The following NF2 variants were observed in gnomAD, a reference collection of about 807,000 sequenced individuals.
The protein encoded by NF2 is merlin.
A neutral mutation model predicts 83.7 loss-of-function variants in NF2; 8 were observed. The ratio of observed to expected loss-of-function variants is 0.10; its 90% CI spans 0.06 to 0.17. NF2 has a LOEUF of 0.17. Among genes scored for constraint, NF2 ranks in the 10% least tolerant of loss-of-function variants. The pLI is 1.00. For missense variants in NF2, 533 were observed against 744.4 expected, an observed-to-expected ratio of 0.72 and a Z score of 3.31; for synonymous variants, 266 against 269.6, an observed-to-expected ratio of 0.99 and a Z score of 0.13.
chr22:29,682,465 G>A (rs1333187603), intron 15 of NF2, among the ~76,000 whole-genome samples: 1 of 152,150 alleles, frequency 6.6e-6, no homozygotes, highest in Non-Finnish European at 1.5e-5. Context: ...GTTTCTGCCT[G>A]CCTTCGTTGT....
chr22:29,678,154 T>C (rs1162642519), intron 13 of NF2, 42 bp from the exon 14 acceptor site: 14 of 1,612,354 alleles, frequency 8.7e-6, no homozygotes, highest in Non-Finnish European at 1.1e-5. Context: ...CCTTCTGTGC[T>C]TGTATGACCC....
chr22:29,654,630 C>A, intron 4 of NF2, 27 bp from the exon 5 acceptor site: 5 of 1,602,702 alleles, frequency 3.1e-6, no homozygotes, highest in Non-Finnish European at 4.3e-6. Flanking sequence ...GAATCTCAAT[C>A]GCCTGCTCTC....
intron 10 of NF2, among the ~76,000 whole-genome samples, chr22:29,670,328 C>G (rs1342016640): frequency 7.0e-6 from 1 of 143,084 alleles, no homozygotes; most frequent in Non-Finnish European, 1.6e-5. Flanking sequence ...TTCTTTCTTT[C>G]TTAGTTTCTT....
rs746704168 is a variant in NF2 at position 29,678,348 on chromosome 22, G to A, written c.1574+25G>A. 3.7e-6 allele frequency: 6 copies of A among 1,611,556 alleles called. No homozygotes were observed. In the South Asian group the frequency reaches 4.4e-5, roughly 12 times the overall value. ...AGTATGTAGCCCCCTGTGCCCTGCTGTGGGCAGCTGTGAACTAGACTGAGT... is the reference window on the plus strand; with the variant it reads ...AGTATGTAGCCCCCTGTGCCCTGCTATGGGCAGCTGTGAACTAGACTGAGT... On this transcript the variant is annotated intron_variant, in intron 14 of 15. Transcript: ENST00000338641.
Position 29,636,105 on chromosome 22 carries a change from C to A in NF2, c.115-646C>A, listed in dbSNP as rs1007011801. ...ACACTACAGTATATTGATATCTATT[C>A]GTCACCTGGGTTTAGATACCAGGAG... On this transcript the variant is annotated intron_variant, in intron 1 of 15. Transcript: ENST00000338641. The surrounding 1 kb of genome is among the most constrained non-coding windows in gnomAD (Gnocchi z 4.4). Among the ~76,000 whole-genome samples, 1 of 152,222 alleles carries A rather than the reference C, an allele frequency of 6.6e-6. No homozygotes were observed. The highest frequency in any genetic ancestry group is 1.9e-4 in the East Asian group (1 of 5,188).
At position 29,646,905 on chromosome 22, in the gene NF2, G is replaced by A. The variant is rs192358580; in HGVS notation, c.447+4620G>A. On this transcript the variant is annotated intron_variant, in intron 4 of 15. Transcript: ENST00000338641. Reference sequence around the variant, plus strand: ...CTAAAAATACAAAAATTAGCCAGGCGTGGTGGTGTAGTCCCAGCTACTTGG... The same window carrying A: ...CTAAAAATACAAAAATTAGCCAGGCATGGTGGTGTAGTCCCAGCTACTTGG... Among the ~76,000 whole-genome samples, 10 of 152,118 alleles carry A rather than the reference G, an allele frequency of 6.6e-5. No individual in the cohort carries two copies. In the East Asian group the frequency reaches 1.4e-3, roughly 21 times the overall value.
chr22:29,656,633 C>T (rs752083003), intron 6 of NF2, among the ~76,000 whole-genome samples: 2 of 151,670 alleles, frequency 1.3e-5, no homozygotes, highest in Non-Finnish European at 2.9e-5. Flanking sequence ...GGGATGGTCT[C>T]GATCTCCTGA....
At position 29,627,978 on chromosome 22, in the gene NF2, A is replaced by G. The variant is rs137895792; in HGVS notation, c.115-8773A>G. Among the ~76,000 whole-genome samples the G allele has an allele frequency of 2.5e-3, 376 of 152,344 alleles. 1 individual carries two copies. The highest frequency in any genetic ancestry group is 3.2e-3 in the Non-Finnish European group (217 of 68,030). ...ACATTTTTAATAACGAGTGTCATAA[A>G]TTCTTGCTTCATTGCAATCATTAAT... On this transcript the variant is annotated intron_variant, in intron 1 of 15. Coordinates refer to ENST00000338641, the MANE Select transcript of NF2 (RefSeq NM_000268.4).
At chr22:29,645,410 A>G (rs1601596799) in intron 4 of NF2, among the ~76,000 whole-genome samples, 2 of 152,208 alleles carry the variant, frequency 1.3e-5, no homozygotes, top group East Asian at 3.9e-4. Flanking sequence ...TTGTGCCTCC[A>G]ATATTCTACT....
intron 2 of NF2, among the ~76,000 whole-genome samples, chr22:29,637,876 T>G (rs1447114187): frequency 6.6e-6 from 1 of 152,170 alleles, no homozygotes; most frequent in Non-Finnish European, 1.5e-5. Flanking sequence ...GTAGACCAGA[T>G]TTTGAATCTC....
chr22:29,649,663 A>G (rs1053976204), intron 4 of NF2, among the ~76,000 whole-genome samples: 2 of 151,968 alleles, frequency 1.3e-5, no homozygotes, highest in African/African-American at 2.4e-5. Context: ...AATCACTTGA[A>G]CCCAGGAGGC....
At chr22:29,644,513 C>T (rs1173112481) in intron 4 of NF2, among the ~76,000 whole-genome samples, 36 of 144,044 alleles carry the variant, frequency 2.5e-4, no homozygotes, top group East Asian at 6.1e-4. Flanking sequence ...ACTTCCCAGA[C>T]GGGGTGGCGG....
At chr22:29,655,466 C>T (rs1279908834) in intron 5 of NF2, 128 bp from the exon 6 acceptor site, 1 of 743,712 alleles carries the variant, frequency 1.3e-6, no homozygotes, top group Non-Finnish European at 2.4e-6. Flanking sequence ...GTGTGACTAT[C>T]TCCCTGGGTG....
intron 1 of NF2, among the ~76,000 whole-genome samples, chr22:29,623,281 T>C (rs1282806389): frequency 1.3e-5 from 2 of 152,144 alleles, no homozygotes; most frequent in Non-Finnish European, 2.9e-5. Flanking sequence ...AAGCTAGATA[T>C]TGGAGGCTCA....
In NF2 at chr22:29,678,124, G is replaced by A. The variant is rs1054323238; in HGVS notation, c.1447-72G>A. 8 of 1,603,966 alleles carry A rather than the reference G, an allele frequency of 5.0e-6. 1 individual carries two copies. The highest frequency in any genetic ancestry group is 4.3e-6 in the Non-Finnish European group (5 of 1,172,632). On this transcript the variant is annotated intron_variant, in intron 13 of 15. Coordinates refer to ENST00000338641, the MANE Select transcript of NF2 (RefSeq NM_000268.4). ...TTGCCTCTGTGGCTGCTGGAGGATCGGTTGTCAACACAGTAGTGTCCTTCT... is the reference window on the plus strand; with the variant it reads ...TTGCCTCTGTGGCTGCTGGAGGATCAGTTGTCAACACAGTAGTGTCCTTCT...
At chr22:29,675,769 C>T (rs2066944265) in intron 13 of NF2, among the ~76,000 whole-genome samples, 1 of 151,976 alleles carries the variant, frequency 6.6e-6, no homozygotes, top group Non-Finnish European at 1.5e-5. Flanking sequence ...ACACACGTAC[C>T]CATACATACA....
chr22:29,618,430 A>AAT (rs2065130670), intron 1 of NF2, among the ~76,000 whole-genome samples: 1 of 151,532 alleles, frequency 6.6e-6, no homozygotes, highest in Non-Finnish European at 1.5e-5. Context: ...ACCTTATGCT[A>AAT]ATAAGTTCAG....
At position 29,694,121 on chromosome 22, in the gene NF2, C is replaced by T. The variant is rs1236728574; in HGVS notation, c.1738-631C>T. On this transcript the variant is annotated intron_variant, in intron 15 of 15. Coordinates refer to ENST00000338641, the MANE Select transcript of NF2 (RefSeq NM_000268.4). This position sits in a 1 kb window ranked among gnomAD's most constrained non-coding sequence, Gnocchi z 4.1. ...CAGAGTGCCACCTGTGTGCACCAGC[C>T]CTCCCTGCCTGCACAAGCCACACTG... 6.6e-6 allele frequency among the ~76,000 whole-genome samples: 1 copy of T among 152,220 alleles called. No homozygotes were observed. Among genetic ancestry groups the T allele is most frequent in the Middle Eastern group, 3.2e-3 (1 of 316 alleles).
chr22:29,690,816 G>A (rs1477150558), intron 15 of NF2, among the ~76,000 whole-genome samples: 1 of 152,216 alleles, frequency 6.6e-6, no homozygotes, highest in Non-Finnish European at 1.5e-5. Flanking sequence ...CATCTTCAGG[G>A]AACTGGCAGG....
Sources: allele counts gnomAD v4.1 joint callset (sites outside exome capture counted in the v4.1 genomes callset), GRCh38; gene constraint gnomAD v4.1.1; non-coding constraint Gnocchi (gnomAD v3.1); transcripts MANE v1.5; gene names NCBI Gene and HGNC (gene_info 2026-07-23, HGNC 2026-07-21).